Variants in CHMP2B observed in about 807,000 individuals in gnomAD.
The protein encoded by CHMP2B is charged multivesicular body protein 2B, also known as VPS2 homolog B.
In CHMP2B, 22 loss-of-function variants were observed where a neutral mutation model predicts 29.8. The ratio of observed to expected loss-of-function variants is 0.74; its 90% CI spans 0.53 to 1.05. CHMP2B has a LOEUF of 1.05. Ranked by LOEUF, CHMP2B falls within the 50% of genes least tolerant of loss-of-function variation. The pLI, the probability that CHMP2B is intolerant of heterozygous loss-of-function variation, is 0.00. For synonymous variants in CHMP2B, 78 were observed against 75.8 expected (o/e 1.03, Z -0.15); for missense variants, 261 against 252.2 (o/e 1.03, Z -0.24).
chr3:87,233,995 A>G (rs1289787986), intron 1 of CHMP2B, among the ~76,000 whole-genome samples: 1 of 152,138 alleles, frequency 6.6e-6, no homozygotes, highest in Non-Finnish European at 1.5e-5. Context: ...TGATTTGCAT[A>G]CTGTCCCAGC....
At chr3:87,230,978 T>C (rs1017615873) in intron 1 of CHMP2B, among the ~76,000 whole-genome samples, 3 of 152,104 alleles carry the variant, frequency 2.0e-5, no homozygotes, top group Non-Finnish European at 1.5e-5. Context: ...ACCACTCCTT[T>C]CTTTCTCCTT....
chr3:87,242,315 A>G (rs1300869997), intron 2 of CHMP2B, among the ~76,000 whole-genome samples: 1 of 151,894 alleles, frequency 6.6e-6, no homozygotes, highest in Non-Finnish European at 1.5e-5. Context: ...ACAATTTTTT[A>G]TTCTTTTATT....
intron 1 of CHMP2B, among the ~76,000 whole-genome samples, chr3:87,230,787 G>A (rs1246066328): frequency 6.6e-6 from 1 of 152,124 alleles, no homozygotes; most frequent in Non-Finnish European, 1.5e-5. Context: ...TGCATGGCAT[G>A]CAATGAGATG....
At chr3:87,240,605 A>T in intron 1 of CHMP2B, 94 bp from the exon 2 acceptor site, 1 of 934,990 alleles carries the variant, frequency 1.1e-6, no homozygotes, top group Non-Finnish European at 1.8e-6. Context: ...CCAATATAAG[A>T]TTTTTTTAAA....
chr3:87,238,131 A>G (rs527652544), intron 1 of CHMP2B, among the ~76,000 whole-genome samples: 3 of 152,368 alleles, frequency 2.0e-5, no homozygotes, highest in South Asian at 4.1e-4. Flanking sequence ...ATATGACTGT[A>G]GTAACTATTA....
chr3:87,235,815 C>G (rs1286706776), intron 1 of CHMP2B, among the ~76,000 whole-genome samples: 1 of 152,132 alleles, frequency 6.6e-6, no homozygotes, highest in Non-Finnish European at 1.5e-5. Context: ...ACAAGACTGC[C>G]CTACTTCAGA....
chr3:87,245,906 A>G lies in CHMP2B; in HGVS notation c.319A>G (p.Lys107Glu), dbSNP rs1706203849. ...KMAGAMSTTA[K>E]TMQAVNKKMD... ...GGCTGGAGCAATGTCTACTACAGCA[A>G]AAGTAAGTGAGAGCTTTTATATTCA... Residue 107 changes from lysine to glutamate, a missense_variant and splice_region_variant, in exon 3 of 6, where the codon AAA becomes GAA. Lys to Glu is a moderately conservative substitution (Grantham distance 56). Coordinates refer to ENST00000263780, the MANE Select transcript of CHMP2B (RefSeq NM_014043.4). 1 of 1,605,124 alleles carries G rather than the reference A, an allele frequency of 6.2e-7. No individual in the cohort carries two copies.
At chr3:87,239,642 T>A (rs576013021) in intron 1 of CHMP2B, among the ~76,000 whole-genome samples, 8 of 152,308 alleles carry the variant, frequency 5.3e-5, no homozygotes, top group Middle Eastern at 3.4e-3. Flanking sequence ...ACTTGCTATC[T>A]ATGTGGCTTT....
Position 87,253,835 on chromosome 3 carries a change from ATAC to A in CHMP2B, c.*16_*18del. 6.3e-7 allele frequency: 1 copy of A among 1,575,760 alleles called. No individual in the cohort carries two copies. The highest frequency in any genetic ancestry group is 1.1e-5 in the South Asian group (1 of 90,276). On this transcript the variant is annotated 3_prime_UTR_variant, in exon 6 of 6. Coordinates refer to ENST00000263780, the MANE Select transcript of CHMP2B (RefSeq NM_014043.4). ...AGGAGTAGATTAGTCAAAAGAAGTC[ATAC>A]TATTTTGCTTACTTATAATTATGTA...
rs557460944 is a variant in CHMP2B at position 87,233,215 on chromosome 3, A to G, written c.34+5659A>G. On this transcript the variant is annotated intron_variant, in intron 1 of 5. Coordinates refer to ENST00000263780, the MANE Select transcript of CHMP2B (RefSeq NM_014043.4). The stretch of plus-strand genomic sequence containing the variant: ...TTTTGTTTTCTTTTTACCGTGTATT[A>G]GAACTGATTAGTTAAGCTGATAATA... Among the ~76,000 whole-genome samples, 6 of 152,274 alleles carry G rather than the reference A, an allele frequency of 3.9e-5. 1 individual carries two copies. The highest frequency in any genetic ancestry group is 1.4e-4 in the African/African-American group (6 of 41,554).
Position 87,254,935 on chromosome 3 carries a change from G to A in CHMP2B, c.*1113G>A, listed in dbSNP as rs1017246321. ...TTACCAGAAATTACTATCTAAATGTGTATTAGCAGTATTTTTTAAGGTGAA... is the reference window on the plus strand; with the variant it reads ...TTACCAGAAATTACTATCTAAATGTATATTAGCAGTATTTTTTAAGGTGAA... On this transcript the variant is annotated 3_prime_UTR_variant, in exon 6 of 6. Transcript: ENST00000263780. The A allele has an allele frequency of 6.6e-6, 1 of 151,910 alleles. No homozygotes were observed. The highest frequency in any genetic ancestry group is 6.6e-5 in the Admixed American group (1 of 15,226). The allele number at this position is 151,910 out of a possible 1,614,324, so 9.4% of individuals were successfully genotyped here. A position where few individuals can be genotyped will look rare whatever the true frequency, so the allele number is the denominator to read the frequency against.
At chr3:87,247,182 T>C (rs988030573) in intron 3 of CHMP2B, among the ~76,000 whole-genome samples, 2 of 152,202 alleles carry the variant, frequency 1.3e-5, no homozygotes, top group Non-Finnish European at 1.5e-5. Context: ...TACTGAGTTA[T>C]ATTTCTGTGA....
chr3:87,245,999 G>A, intron 3 of CHMP2B, 91 bp downstream of exon 3: 1 of 974,970 alleles, frequency 1.0e-6, no homozygotes, highest in Non-Finnish European at 1.6e-6. Context: ...GCACCTCCTG[G>A]TGTATATGTG....
intron 1 of CHMP2B, 65 bp downstream of exon 1, chr3:87,227,621 T>C: frequency 1.3e-6 from 2 of 1,593,986 alleles, no homozygotes; most frequent in Admixed American, 3.3e-5. Flanking sequence ...CGAGGCCTGC[T>C]GGCCGCGATT....
At chr3:87,246,434 G>A (rs1375659597) in intron 3 of CHMP2B, among the ~76,000 whole-genome samples, 1 of 152,126 alleles carries the variant, frequency 6.6e-6, no homozygotes, top group Admixed American at 6.5e-5. Context: ...ACCGCGCCCA[G>A]CCAACAATCC....
At chr3:87,253,260 G>A in intron 4 of CHMP2B, 144 bp from the exon 5 acceptor site, 4 of 654,258 alleles carry the variant, frequency 6.1e-6, no homozygotes, top group Non-Finnish European at 1.1e-5. Context: ...TTACTTCACT[G>A]ACATTTTGAA....
At position 87,244,333 on chromosome 3, in the gene CHMP2B, A is replaced by C. The variant is rs573132827; in HGVS notation, c.127-1381A>C. 1.1e-4 allele frequency among the ~76,000 whole-genome samples: 16 copies of C among 151,560 alleles called. No homozygotes were observed. In the East Asian group the frequency reaches 3.1e-3, roughly 29 times the overall value. On this transcript the variant is annotated intron_variant, in intron 2 of 5. Coordinates refer to ENST00000263780, the MANE Select transcript of CHMP2B (RefSeq NM_014043.4). The stretch of plus-strand genomic sequence containing the variant: ...TGTTGGGATTACAGGCGTGAGCCAC[A>C]GATTTTTCTTTCCTAGTTTATATAT...
Position 87,250,014 on chromosome 3 carries a change from C to A in CHMP2B, c.424+37C>A, listed in dbSNP as rs758123697. 12 of 1,279,574 alleles carry A rather than the reference C, an allele frequency of 9.4e-6. No homozygotes were observed. The Admixed American group carries it at 1.1e-4, about 11-fold the overall frequency. 79.3% of individuals were successfully genotyped at this position (1,279,574 alleles called of 1,614,324 possible). A position where few individuals can be genotyped will look rare whatever the true frequency, so the allele number is the denominator to read the frequency against. ...AAATTATAATGAAATTTATAGTTTTCTCATCTTTGAATTAGCCATTTATTT... is the reference window on the plus strand; with the variant it reads ...AAATTATAATGAAATTTATAGTTTTATCATCTTTGAATTAGCCATTTATTT... On this transcript the variant is annotated intron_variant, in intron 4 of 5. Transcript: ENST00000263780.
intron 1 of CHMP2B, chr3:87,240,472 G>A (rs370482190): frequency 1.3e-5 from 5 of 394,518 alleles, no homozygotes; most frequent in African/African-American, 4.2e-5. Context: ...CACCACACCC[G>A]GCTAATTTTC....
Sources: gnomAD v4.1 joint callset for allele counts (sites outside exome capture counted in the v4.1 genomes callset) on GRCh38, gnomAD v4.1.1 for gene constraint, MANE v1.5 for transcripts, NCBI Gene and HGNC (gene_info 2026-07-23, HGNC 2026-07-21) for gene names.